CARMIL1: variants seen among roughly 807,000 people sequenced by gnomAD.
The protein encoded by CARMIL1 is capping protein regulator and myosin 1 linker 1.
CARMIL1 carries 90 observed loss-of-function variants against 177.1 expected under a neutral mutation model. The observed-to-expected ratio is 0.51, with a 90% CI of 0.43 to 0.61. CARMIL1 has a LOEUF of 0.61. Among genes scored for constraint, CARMIL1 ranks in the 20% least tolerant of loss-of-function variants. The pLI, the probability that CARMIL1 is intolerant of heterozygous loss-of-function variation, is 0.00. For synonymous variants in CARMIL1, 577 were observed against 606.2 expected, an observed-to-expected ratio of 0.95 and a Z score of 0.71; for missense variants, 1,380 against 1,667.0, an observed-to-expected ratio of 0.83 and a Z score of 3.00.
rs1816385093 is a variant in CARMIL1 at position 25,610,153 on chromosome 6, G to A, written c.3951G>A (p.Gln1317=). Residue 1317 remains glutamine, a synonymous_variant, in exon 36 of 37, where the codon CAG becomes CAA. Transcript: ENST00000329474. ...AGAGAGATGGCCAGAGTAGCCCCCA[G>A]CCCAGCCCCAGGACATTTTCACAGG... The part of the protein sequence containing the change: ...DKERDGQSSP[Q]PSPRTFSQEV... The A allele has an allele frequency of 1.2e-6, 2 of 1,613,646 alleles. No individual in the cohort carries two copies. Among genetic ancestry groups the A allele is most frequent in the African/African-American group, 2.7e-5 (2 of 74,878 alleles).
In CARMIL1 at chr6:25,279,460, G is replaced by C. The variant is rs1175910626; in HGVS notation, c.-336G>C. ...GAGCTACGCCGGCCCAAGCCCCGCCGGGGACCAGCGAGCCGGGAGGAGGAG... is the reference window on the plus strand; with the variant it reads ...GAGCTACGCCGGCCCAAGCCCCGCCCGGGACCAGCGAGCCGGGAGGAGGAG... On this transcript the variant is annotated 5_prime_UTR_variant, in exon 1 of 37. Coordinates refer to ENST00000329474, the MANE Select transcript of CARMIL1 (RefSeq NM_017640.6). 1 of 423,982 alleles carries C rather than the reference G, an allele frequency of 2.4e-6. No individual in the cohort carries two copies. The highest frequency in any genetic ancestry group is 4.3e-6 in the Non-Finnish European group (1 of 232,192). The allele number at this position is 423,982 out of a possible 1,614,324, so 26.3% of individuals were successfully genotyped here. A position where few individuals can be genotyped will look rare whatever the true frequency, so the allele number is the denominator to read the frequency against.
At chr6:25,416,802 AG>A (rs905911446) in intron 2 of CARMIL1, among the ~76,000 whole-genome samples, 4 of 152,158 alleles carry the variant, frequency 2.6e-5, no homozygotes, top group Non-Finnish European at 5.9e-5. Flanking sequence ...ATACAAACTC[AG>A]GGAATTTTAG....
chr6:25,441,337 A>ATATATATATATATATATGTGTGTG, intron 5 of CARMIL1, among the ~76,000 whole-genome samples: 9 of 94,530 alleles, frequency 9.5e-5, no homozygotes, highest in South Asian at 8.3e-4. Context: ...ATATATATAT[A>ATATATATATATATATATGTGTGTG]TGTGTGTGTG....
chr6:25,342,192 A>G (rs185134374), intron 2 of CARMIL1, among the ~76,000 whole-genome samples: 1 of 152,198 alleles, frequency 6.6e-6, no homozygotes, highest in Non-Finnish European at 1.5e-5. Context: ...CTTTCCTCTG[A>G]GAATGTGATT....
chr6:25,587,177 C>T (rs1813833609), intron 31 of CARMIL1, among the ~76,000 whole-genome samples: 1 of 152,048 alleles, frequency 6.6e-6, no homozygotes, highest in Non-Finnish European at 1.5e-5. Flanking sequence ...GTTTTTATTC[C>T]ACCTCTACCA....
rs1781742423 is a variant in CARMIL1, at chr6:25,289,057, G to A, written c.138+4148G>A. Among the ~76,000 whole-genome samples, 3 of 152,138 alleles carry A rather than the reference G, an allele frequency of 2.0e-5. No homozygotes were observed. In the South Asian group the frequency reaches 6.2e-4, roughly 32 times the overall value. Reference sequence around the variant, plus strand: ...ATGACCATGGGCTAAGAAGGAACAGGCCAGAGATGATGCCTCTTGGGACAG... The same window carrying A: ...ATGACCATGGGCTAAGAAGGAACAGACCAGAGATGATGCCTCTTGGGACAG... On this transcript the variant is annotated intron_variant, in intron 2 of 36. Transcript: ENST00000329474.
intron 36 of CARMIL1, among the ~76,000 whole-genome samples, chr6:25,610,544 G>T (rs1301947093): frequency 6.6e-6 from 1 of 152,124 alleles, no homozygotes; most frequent in Non-Finnish European, 1.5e-5. Context: ...TATTTTCAAT[G>T]AAATCTTTTC....
chr6:25,586,480 T>C (rs1378735155), intron 31 of CARMIL1, among the ~76,000 whole-genome samples: 2 of 111,898 alleles, frequency 1.8e-5, no homozygotes, highest in South Asian at 3.1e-4. Flanking sequence ...ACTGGGCGGG[T>C]GGGCAGAGGG....
chr6:25,343,617 C>T (rs2150333093), intron 2 of CARMIL1, among the ~76,000 whole-genome samples: 1 of 152,296 alleles, frequency 6.6e-6, no homozygotes, highest in East Asian at 1.9e-4. Flanking sequence ...GTGTCCTGAT[C>T]CTCATTTGCC....
At chr6:25,409,726 A>T (rs758038339) in intron 2 of CARMIL1, among the ~76,000 whole-genome samples, 7 of 152,184 alleles carry the variant, frequency 4.6e-5, no homozygotes, top group Non-Finnish European at 1.0e-4. Flanking sequence ...GTGCACACAC[A>T]CACACATTTG....
intron 2 of CARMIL1, among the ~76,000 whole-genome samples, chr6:25,401,425 G>T (rs1793876739): frequency 6.6e-6 from 1 of 152,168 alleles, no homozygotes; most frequent in African/African-American, 2.4e-5. Context: ...TCCTATGTTT[G>T]CTTATACAAG....
At chr6:25,296,965 A>T (rs1292681230) in intron 2 of CARMIL1, among the ~76,000 whole-genome samples, 1 of 149,724 alleles carries the variant, frequency 6.7e-6, no homozygotes, top group African/African-American at 2.5e-5. Context: ...CTAACTAACT[A>T]AAGCATTTTA....
chr6:25,500,440 T>A (rs144859388), intron 17 of CARMIL1, among the ~76,000 whole-genome samples: 31 of 152,344 alleles, frequency 2.0e-4, no homozygotes, highest in African/African-American at 7.0e-4. Context: ...CAAGTGTGTT[T>A]TTAATGACTT....
At chr6:25,449,021 C>G (rs1798523326) in intron 5 of CARMIL1, among the ~76,000 whole-genome samples, 1 of 151,326 alleles carries the variant, frequency 6.6e-6, no homozygotes, top group Non-Finnish European at 1.5e-5. Context: ...AATCCTCAGC[C>G]TCCTGAGTGG....
At chr6:25,436,217 A>T (rs1403166999) in intron 5 of CARMIL1, among the ~76,000 whole-genome samples, 1 of 152,122 alleles carries the variant, frequency 6.6e-6, no homozygotes, top group Non-Finnish European at 1.5e-5. Context: ...GGTTGTTGGG[A>T]TGGAGGAATT....
intron 24 of CARMIL1, among the ~76,000 whole-genome samples, chr6:25,532,096 T>C (rs1807817081): frequency 6.6e-6 from 1 of 151,316 alleles, no homozygotes; most frequent in African/African-American, 2.4e-5. Flanking sequence ...TTTCTTTTTT[T>C]TTTTTCTTTT....
intron 8 of CARMIL1, among the ~76,000 whole-genome samples, chr6:25,453,371 T>C (rs772923477): frequency 1.4e-4 from 22 of 152,208 alleles, no homozygotes; most frequent in Non-Finnish European, 2.9e-4. Context: ...TGTCATTTTT[T>C]TGTGATAGTC....
Position 25,296,939 on chromosome 6 carries a change from C to CTT in CARMIL1, c.138+12031_138+12032insTT, listed in dbSNP as rs58343324. On this transcript the variant is annotated intron_variant, in intron 2 of 36. Coordinates refer to ENST00000329474, the MANE Select transcript of CARMIL1 (RefSeq NM_017640.6). ...TATCTATCTATCTATCTATCTTTAACTAACTAACTAACTAACTAACTAACT... is the reference window on the plus strand; with the variant it reads ...TATCTATCTATCTATCTATCTTTAACTTTAACTAACTAACTAACTAACTAACT... Among the ~76,000 whole-genome samples, 893 of 126,104 alleles carry CTT rather than the reference C, an allele frequency of 7.1e-3. 7 individuals are homozygous for CTT. The highest frequency in any genetic ancestry group is 8.9e-3 in the South Asian group (38 of 4,292). 82.7% of individuals were successfully genotyped at this position (126,104 alleles called of 152,430 possible).
At position 25,554,558 on chromosome 6, in the gene CARMIL1, G is replaced by T. The variant is rs1301216144; in HGVS notation, c.2592+462G>T. Reference sequence around the variant, plus strand: ...TGGATAGCTGCTGACTGCCCCACAGGTGCCTTGGATATAACCAAGGTAAAA... The same window carrying T: ...TGGATAGCTGCTGACTGCCCCACAGTTGCCTTGGATATAACCAAGGTAAAA... On this transcript the variant is annotated intron_variant, in intron 28 of 36. Transcript: ENST00000329474. This position sits in a 1 kb window ranked among gnomAD's most constrained non-coding sequence, Gnocchi z 4.6. Among the ~76,000 whole-genome samples, 4 of 152,098 alleles carry T rather than the reference G, an allele frequency of 2.6e-5. No individual in the cohort carries two copies. Among genetic ancestry groups the T allele is most frequent in the African/African-American group, 7.2e-5 (3 of 41,410 alleles).
Sources: allele counts gnomAD v4.1 joint callset (sites outside exome capture counted in the v4.1 genomes callset), GRCh38; gene constraint gnomAD v4.1.1; non-coding constraint Gnocchi (gnomAD v3.1); transcripts MANE v1.5; gene names NCBI Gene and HGNC (gene_info 2026-07-23, HGNC 2026-07-21).